The following DYNC1LI1 variants were observed in gnomAD, a reference collection of about 807,000 sequenced individuals.
The protein encoded by DYNC1LI1 is cytoplasmic dynein 1 light intermediate chain 1.
In DYNC1LI1, 19 loss-of-function variants were observed where a neutral mutation model predicts 63.8. That is an observed-to-expected ratio of 0.30 (90% CI 0.21 to 0.44). The LOEUF (loss-of-function observed/expected upper bound fraction) is 0.44, where lower values mean the gene tolerates loss of function less well. DYNC1LI1 is among the 20% of genes least tolerant of loss of function. DYNC1LI1 has a pLI of 1.00. For missense variants in DYNC1LI1, 565 were observed against 630.2 expected, an observed-to-expected ratio of 0.90 and a Z score of 1.11; for synonymous variants, 225 against 232.3, an observed-to-expected ratio of 0.97 and a Z score of 0.28.
intron 3 of DYNC1LI1, chr3:32,545,563 A>G (rs1409425857): frequency 2.5e-6 from 1 of 392,604 alleles, no homozygotes; most frequent in East Asian, 5.5e-5. Flanking sequence ...GGAGTCAACA[A>G]AACAATCACT....
At chr3:32,568,605 AG>A (rs2125447899) in intron 2 of DYNC1LI1, among the ~76,000 whole-genome samples, 1 of 152,258 alleles carries the variant, frequency 6.6e-6, no homozygotes, top group East Asian at 1.9e-4. Context: ...CCAGTGTCAA[AG>A]GGGTGTTAAA....
chr3:32,541,476 G>A (rs747493098), intron 4 of DYNC1LI1, among the ~76,000 whole-genome samples: 6 of 152,056 alleles, frequency 3.9e-5, no homozygotes, highest in African/African-American at 4.8e-5. Context: ...AAATATTTTG[G>A]TCAAGTCACA....
chr3:32,528,240 G>A (rs1334016018), intron 12 of DYNC1LI1, among the ~76,000 whole-genome samples: 1 of 149,070 alleles, frequency 6.7e-6, no homozygotes, highest in African/African-American at 2.5e-5. Context: ...GAAATGTCCA[G>A]ATAGACAAAT....
At chr3:32,528,731 T>C (rs1173737208) in intron 11 of DYNC1LI1, 130 bp from the exon 12 acceptor site, 17 of 834,260 alleles carry the variant, frequency 2.0e-5, no homozygotes, top group East Asian at 5.9e-5. Flanking sequence ...CAAATTCAAG[T>C]CTAGTTTGAT....
intron 2 of DYNC1LI1, among the ~76,000 whole-genome samples, chr3:32,568,503 T>A (rs887289579): frequency 2.6e-5 from 4 of 152,154 alleles, no homozygotes; most frequent in African/African-American, 9.7e-5. Flanking sequence ...TTATGAACTA[T>A]TAAGTTCATA....
At chr3:32,551,620 G>T (rs74529422) in intron 2 of DYNC1LI1, among the ~76,000 whole-genome samples, 2,129 of 152,252 alleles carry the variant, frequency 0.014, 46 homozygotes, top group African/African-American at 0.049. Flanking sequence ...GCTATTAATG[G>T]AGTCCTAGCA....
intron 2 of DYNC1LI1, among the ~76,000 whole-genome samples, chr3:32,561,912 A>ATCTCTCTC (rs1453687363): frequency 6.6e-6 from 1 of 152,220 alleles, no homozygotes; most frequent in Non-Finnish European, 1.5e-5. Flanking sequence ...TTAAAAAAAA[A>ATCTCTCTC]TCTGATTGCA....
In DYNC1LI1 at chr3:32,570,437, G is replaced by T; in HGVS notation, c.147-18C>A. The stretch of plus-strand genomic sequence containing the variant: ...TGCAGGACCTAACGGGAAGCAAGGC[G>T]TACGGTGAGGCCGGAGGCCGGAGCC... On this transcript the variant is annotated intron_variant, in intron 1 of 12. Coordinates refer to ENST00000273130, the MANE Select transcript of DYNC1LI1 (RefSeq NM_016141.4). 1 of 1,583,604 alleles carries T rather than the reference G, an allele frequency of 6.3e-7. No individual in the cohort carries two copies. The highest frequency in any genetic ancestry group is 1.1e-5 in the South Asian group (1 of 87,048).
chr3:32,556,715 A>C (rs907094350), intron 2 of DYNC1LI1, among the ~76,000 whole-genome samples: 2 of 151,870 alleles, frequency 1.3e-5, no homozygotes, highest in African/African-American at 4.8e-5. Flanking sequence ...CTAATTTTTT[A>C]ATTTTTTGTA....
At chr3:32,552,701 G>A (rs1698059352) in intron 2 of DYNC1LI1, among the ~76,000 whole-genome samples, 1 of 152,034 alleles carries the variant, frequency 6.6e-6, no homozygotes, top group African/African-American at 2.4e-5. Context: ...TTTTGCTGTT[G>A]TTGTTGTTGT....
chr3:32,537,946 A>G (rs1389141364), intron 5 of DYNC1LI1, among the ~76,000 whole-genome samples: 4 of 10,606 alleles, frequency 3.8e-4, no homozygotes, highest in Non-Finnish European at 5.5e-4. Context: ...TAATATATAT[A>G]TAATTTATAT....
intron 8 of DYNC1LI1, chr3:32,531,726 T>C (rs977910488): frequency 2.6e-5 from 4 of 152,212 alleles, no homozygotes; most frequent in African/African-American, 4.8e-5. Flanking sequence ...CTTTATATTA[T>C]GAGTGTTTGG....
intron 5 of DYNC1LI1, among the ~76,000 whole-genome samples, chr3:32,538,483 G>A (rs1052259122): frequency 1.3e-5 from 2 of 152,012 alleles, no homozygotes; most frequent in East Asian, 3.9e-4. Flanking sequence ...GGCAGATCAC[G>A]AGGTCAGGAG....
rs188195744 is a variant in DYNC1LI1, at chr3:32,546,363, G to A, written c.221-398C>T. ...GCGGAGGTTGCAGTGAGCCAAGATT[G>A]TGCCACTGTACTCCAGGCTGGGTAA... On this transcript the variant is annotated intron_variant, in intron 2 of 12. Transcript: ENST00000273130. Among the ~76,000 whole-genome samples the A allele has an allele frequency of 2.6e-5, 4 of 152,094 alleles. No homozygotes were observed. In the East Asian group the frequency reaches 7.7e-4, roughly 29 times the overall value.
intron 8 of DYNC1LI1, chr3:32,530,778 C>A (rs1326148566): frequency 5.0e-6 from 2 of 402,526 alleles, no homozygotes; most frequent in Non-Finnish European, 8.9e-6. Context: ...CTACTGAGCA[C>A]TTGAAATGTG....
intron 2 of DYNC1LI1, among the ~76,000 whole-genome samples, chr3:32,550,975 T>C (rs568649599): frequency 1.3e-5 from 2 of 149,598 alleles, no homozygotes; most frequent in African/African-American, 4.9e-5. Context: ...AGTTTTTAAA[T>C]GTGTAAAAAA....
chr3:32,542,646 C>T (rs996071111), intron 4 of DYNC1LI1, among the ~76,000 whole-genome samples: 9 of 152,160 alleles, frequency 5.9e-5, no homozygotes, highest in African/African-American at 1.9e-4. Context: ...GACTTGTGAT[C>T]CACCTGCCTT....
chr3:32,546,111 T>C (rs342732), intron 2 of DYNC1LI1, 146 bp from the exon 3 acceptor site: 579,010 of 582,830 alleles, frequency 0.99, 287,625 homozygotes, highest in East Asian at 1. Flanking sequence ...GCTACAGTAT[T>C]AAACATGCAG....
intron 2 of DYNC1LI1, among the ~76,000 whole-genome samples, chr3:32,548,644 G>T (rs1303980738): frequency 2.6e-5 from 4 of 152,164 alleles, no homozygotes; most frequent in Admixed American, 6.5e-5. Flanking sequence ...CAGAATTTCA[G>T]TTAGACAGGA....
Sources: allele counts gnomAD v4.1 joint callset (sites outside exome capture counted in the v4.1 genomes callset), GRCh38; gene constraint gnomAD v4.1.1; transcripts MANE v1.5; gene names NCBI Gene and HGNC (gene_info 2026-07-23, HGNC 2026-07-21).